The following PIAS3 variants were observed in gnomAD, a reference collection of about 807,000 sequenced individuals.
The protein encoded by PIAS3 is protein inhibitor of activated STAT 3, also known as E3 SUMO-protein ligase PIAS3.
PIAS3 carries 34 observed loss-of-function variants against 67.6 expected under a neutral mutation model. The observed-to-expected ratio is 0.50, with a 90% CI of 0.38 to 0.67. PIAS3 has a LOEUF of 0.67. PIAS3 is among the 30% of genes least tolerant of loss of function. The pLI is 0.00. For missense variants in PIAS3, 693 were observed against 791.6 expected (o/e 0.88, Z 1.49); for synonymous variants, 341 against 313.8 (o/e 1.09, Z -0.92).
rs782323751 is a variant in PIAS3, at chr1:145,856,790, G to T, written c.241C>A (p.Pro81Thr). ...GPSDLSLLSL[P>T]PGTSPVGSPG... ...GAGCCTACAGGAGAGGTGCCAGGGG[G>T]CAAAGAGAGAAGGGAGAGATCAGAG... The change falls in exon 2 of 14, where the codon CCC (proline) becomes ACC (threonine). Residue 81 changes from proline (P) to threonine (T), a missense_variant. Coordinates refer to ENST00000393045, the MANE Select transcript of PIAS3 (RefSeq NM_006099.3). The T allele has an allele frequency of 1.2e-6, 2 of 1,614,136 alleles. No homozygotes were observed. Among genetic ancestry groups the T allele is most frequent in the Admixed American group, 1.7e-5 (1 of 60,020 alleles).
intron 2 of PIAS3, 36 bp from the exon 3 acceptor site, chr1:145,856,467 G>A: frequency 6.2e-7 from 1 of 1,604,512 alleles, no homozygotes; most frequent in Non-Finnish European, 8.5e-7. Flanking sequence ...CCAAGCCCAT[G>A]CACAGGCAGC....
intron 9 of PIAS3, among the ~76,000 whole-genome samples, chr1:145,852,601 C>CT (rs1559163269): frequency 8.2e-6 from 1 of 122,144 alleles, no homozygotes; most frequent in African/African-American, 3.1e-5. Context: ...AGGATTATTT[C>CT]TTTTTTTGAG....
In PIAS3 at chr1:145,858,557, A is replaced by C. The variant is rs587683021; in HGVS notation, c.24+410T>G. ...CTGCCTTTCCCCCGGAGCCTCCCCT[A>C]CGTCTGCCCCGCGGTCCCATCCCTG... On this transcript the variant is annotated intron_variant, in intron 1 of 13. Transcript: ENST00000393045. 3.4e-4 allele frequency among the ~76,000 whole-genome samples: 50 copies of C among 147,472 alleles called. 1 individual carries two copies. The South Asian group carries it at 0.01, about 31-fold the overall frequency.
In PIAS3 at chr1:145,848,527, T is replaced by C. The variant is rs782712022; in HGVS notation, c.*919A>G. 6 of 1,261,792 alleles carry C rather than the reference T, an allele frequency of 4.8e-6. No individual in the cohort carries two copies. The highest frequency in any genetic ancestry group is 6.9e-6 in the Non-Finnish European group (6 of 875,886). The allele number at this position is 1,261,792 out of a possible 1,614,324, so 78.2% of individuals were successfully genotyped here. ...CCATCTCCATGACACTCACAGAACATTCACAACCTTTATTATGGGTGAGAG... is the reference window on the plus strand; with the variant it reads ...CCATCTCCATGACACTCACAGAACACTCACAACCTTTATTATGGGTGAGAG... On this transcript the variant is annotated 3_prime_UTR_variant, in exon 14 of 14. Transcript: ENST00000393045.
In PIAS3 at chr1:145,854,375, G is replaced by GTTTAAT. The variant is rs1653077183; in HGVS notation, c.910+82_910+83insATTAAA. On this transcript the variant is annotated intron_variant, in intron 7 of 13. Coordinates refer to ENST00000393045, the MANE Select transcript of PIAS3 (RefSeq NM_006099.3). ...AGGGGAGTAAGTTGTCAAAAAAGAG[G>GTTTAAT]TATGGGTTTAATTATGAAGGCTGGA... 6 of 930,528 alleles carry GTTTAAT rather than the reference G, an allele frequency of 6.4e-6. No homozygotes were observed. The Admixed American group carries it at 1.2e-4, about 18-fold the overall frequency. The allele number at this position is 930,528 out of a possible 1,614,324, so 57.6% of individuals were successfully genotyped here. A position where few individuals can be genotyped will look rare whatever the true frequency, so the allele number is the denominator to read the frequency against.
At chr1:145,853,958 G>A in intron 7 of PIAS3, 72 bp from the exon 8 acceptor site, 1 of 1,346,612 alleles carries the variant, frequency 7.4e-7, no homozygotes, top group Non-Finnish European at 1.1e-6. Flanking sequence ...GTAAGGCCAG[G>A]AACAGATGGC....
intron 1 of PIAS3, 93 bp from the exon 2 acceptor site, chr1:145,857,099 T>A: frequency 9.3e-7 from 1 of 1,078,604 alleles, no homozygotes. Flanking sequence ...GCAGTGCCTT[T>A]CTCTCCAGCA....
In PIAS3 at chr1:145,855,726, G is replaced by A. The variant is rs782339754; in HGVS notation, c.669+10C>T. The A allele has an allele frequency of 6.8e-7, 1 of 1,462,786 alleles. No individual in the cohort carries two copies. Among genetic ancestry groups the A allele is most frequent in the Non-Finnish European group, 9.5e-7 (1 of 1,053,596 alleles). The allele number at this position is 1,462,786 out of a possible 1,614,324, so 90.6% of individuals were successfully genotyped here. ...AGGGATTACTGACAGAAGAAGGGGA[G>A]AGCATTTACCGGCAGGGGGCACAGT... On this transcript the variant is annotated intron_variant, in intron 5 of 13. Coordinates refer to ENST00000393045, the MANE Select transcript of PIAS3 (RefSeq NM_006099.3).
At position 145,849,173 on chromosome 1, in the gene PIAS3, C is replaced by A; in HGVS notation, c.*273G>T. On this transcript the variant is annotated 3_prime_UTR_variant, in exon 14 of 14. Transcript: ENST00000393045. ...CTAGCTCACATACCATCCCATTTGC[C>A]TCCCACTGCCTAGGTTAACATACCC... 1 of 301,310 alleles carries A rather than the reference C, an allele frequency of 3.3e-6. No individual in the cohort carries two copies. The highest frequency in any genetic ancestry group is 6.1e-6 in the Non-Finnish European group (1 of 164,928). 18.7% of individuals were successfully genotyped at this position (301,310 alleles called of 1,614,324 possible).
At chr1:145,854,713 G>A (rs782058811) in intron 6 of PIAS3, 33 bp downstream of exon 6, 29 of 1,614,096 alleles carry the variant, frequency 1.8e-5, no homozygotes, top group Middle Eastern at 1.6e-4. Flanking sequence ...CCCTCAGCAG[G>A]CTTTTCCAGG....
intron 4 of PIAS3, 53 bp downstream of exon 4, chr1:145,856,015 C>T: frequency 6.9e-7 from 1 of 1,443,620 alleles, no homozygotes; most frequent in Non-Finnish European, 9.8e-7. Flanking sequence ...CATACCCCTA[C>T]TTCACTCCTA....
At chr1:145,855,605 G>A (rs142739114) in intron 5 of PIAS3, 131 bp downstream of exon 5, 77 of 665,200 alleles carry the variant, frequency 1.2e-4, no homozygotes, top group African/African-American at 1.2e-3. Context: ...TATTGATTCA[G>A]TCAGTAAACT....
chr1:145,850,232 C>T lies in PIAS3; in HGVS notation c.1620G>A (p.Gln540=). 6.2e-7 allele frequency: 1 copy of T among 1,614,208 alleles called. No homozygotes were observed. Among genetic ancestry groups the T allele is most frequent in the East Asian group, 2.2e-5 (1 of 44,892 alleles). Residue 540 remains glutamine (Q), a splice_region_variant and synonymous_variant, in exon 13 of 14, where the codon CAG becomes CAA. Coordinates refer to ENST00000393045, the MANE Select transcript of PIAS3 (RefSeq NM_006099.3). ...DLFSFLQTES[Q]HYGPSVITSL... is the part of the protein sequence containing the mutation. The stretch of plus-strand genomic sequence containing the variant: ...ACCTTCTGAAGAAAGAACCACTTAC[C>T]TGACTCTCTGTCTGAAGAAATGAAA...
chr1:145,857,346 C>A (rs1275039797), intron 1 of PIAS3: 1 of 345,534 alleles, frequency 2.9e-6, no homozygotes, highest in African/African-American at 2.1e-5. Flanking sequence ...CGCCTCCATC[C>A]CTGGACTCTG....
chr1:145,850,224 C>A lies in PIAS3; in HGVS notation c.1620+8G>T. 6.2e-7 allele frequency: 1 copy of A among 1,614,168 alleles called. No homozygotes were observed. The stretch of plus-strand genomic sequence containing the variant: ...GATCTGAGACCTTCTGAAGAAAGAA[C>A]CACTTACCTGACTCTCTGTCTGAAG... On this transcript the variant is annotated splice_region_variant and intron_variant, in intron 13 of 13. Coordinates refer to ENST00000393045, the MANE Select transcript of PIAS3 (RefSeq NM_006099.3).
At position 145,854,762 on chromosome 1, in the gene PIAS3, G is replaced by T; in HGVS notation, c.788C>A (p.Ser263Ter). The change falls in exon 6 of 14, where the codon TCA (serine) becomes TAA (stop). Residue 263 changes from serine (S) to a stop codon, truncating the protein, a stop_gained. Coordinates refer to ENST00000393045, the MANE Select transcript of PIAS3 (RefSeq NM_006099.3). LOFTEE classifies it high-confidence loss of function. The stretch of plus-strand genomic sequence containing the variant: ...TGTGCTCACCCGTCCGAACTCAGAT[G>T]ACCAATTGACCACAATGGTGTTGGG... Reference protein sequence around the residue: ...TVPNTIVVNWSSEFGRNYSLS... With the variant: ...TVPNTIVVNW The T allele has an allele frequency of 1.2e-6, 2 of 1,614,146 alleles. No homozygotes were observed. Among genetic ancestry groups the T allele is most frequent in the South Asian group, 2.2e-5 (2 of 91,046 alleles).
chr1:145,850,624 C>A (rs1652918680), intron 11 of PIAS3, 38 bp from the exon 12 acceptor site: 2 of 1,608,350 alleles, frequency 1.2e-6, no homozygotes, highest in African/African-American at 1.3e-5. Context: ...CAGCAAACCA[C>A]AGATGCCCTC....
At chr1:145,850,612 G>T in intron 11 of PIAS3, 26 bp from the exon 12 acceptor site, 2 of 1,610,170 alleles carry the variant, frequency 1.2e-6, no homozygotes, top group Non-Finnish European at 1.7e-6. Context: ...AGCTGAGGCA[G>T]CCAGCAAACC....
chr1:145,856,602 C>T lies in PIAS3; in HGVS notation c.429G>A (p.Arg143=). The T allele has an allele frequency of 1.3e-6, 2 of 1,565,242 alleles. No homozygotes were observed. Among genetic ancestry groups the T allele is most frequent in the Non-Finnish European group, 8.7e-7 (1 of 1,155,326 alleles). The part of the protein sequence containing the change: ...PFYEVYGELI[R]PTTLASTSSQ... ...AAAGAGCCATACCAAGGGTGGTGGG[C>T]CGGATGAGCTCCCCATAGACTTCAT... The change falls in exon 2 of 14, where the codon CGG becomes CGA. Residue 143 remains arginine (R), a synonymous_variant. Coordinates refer to ENST00000393045, the MANE Select transcript of PIAS3 (RefSeq NM_006099.3).
Sources: gnomAD v4.1 joint callset for allele counts (sites outside exome capture counted in the v4.1 genomes callset) on GRCh38, gnomAD v4.1.1 for gene constraint, MANE v1.5 for transcripts, NCBI Gene and HGNC (gene_info 2026-07-23, HGNC 2026-07-21) for gene names.